MBP: variants seen among roughly 807,000 people sequenced by gnomAD.
MBP encodes the protein Golli-MBP.
A neutral mutation model predicts 35.8 loss-of-function variants in MBP; 16 were observed. That is an observed-to-expected ratio of 0.45 (90% confidence interval 0.30 to 0.68). MBP has a LOEUF of 0.68. Among genes scored for constraint, MBP ranks in the 30% least tolerant of loss-of-function variants. The pLI is 0.08. For missense variants in MBP, 380 were observed against 404.7 expected (o/e 0.94, Z 0.52); for synonymous variants, 143 against 159.6 (o/e 0.90, Z 0.78).
At chr18:77,055,585 T>TCTCTC (rs1973686723) in intron 3 of MBP, among the ~76,000 whole-genome samples, 1 of 151,072 alleles carries the variant, frequency 6.6e-6, no homozygotes, top group Non-Finnish European at 1.5e-5. Flanking sequence ...TTCTCTTTCT[T>TCTCTC]TCTCTCTCTC....
intron 1 of MBP, among the ~76,000 whole-genome samples, chr18:77,132,061 G>A (rs1479456730): frequency 6.6e-6 from 1 of 152,116 alleles, no homozygotes; most frequent in African/African-American, 2.4e-5. Context: ...GCCGCGAGCC[G>A]GGAGGACCCC....
chr18:77,051,455 C>T (rs1044372941), intron 3 of MBP, among the ~76,000 whole-genome samples: 1 of 152,196 alleles, frequency 6.6e-6, no homozygotes, highest in African/African-American at 2.4e-5. Context: ...GGAGAGACTG[C>T]CCGACAGAGC....
intron 1 of MBP, among the ~76,000 whole-genome samples, chr18:77,111,557 G>A (rs568056980): frequency 1.1e-4 from 16 of 152,370 alleles, no homozygotes; most frequent in African/African-American, 3.6e-4. Flanking sequence ...CCCTGGTGTC[G>A]TGTGAGCCCT....
At chr18:77,118,740 AGAC>A (rs1238849610) in intron 1 of MBP, among the ~76,000 whole-genome samples, 2 of 148,548 alleles carry the variant, frequency 1.3e-5, no homozygotes, top group Admixed American at 6.7e-5. Context: ...CACCCTTCAC[AGAC>A]ACCACACACA....
intron 2 of MBP, among the ~76,000 whole-genome samples, chr18:77,096,557 CTTATTT>C (rs1490277507): frequency 1.3e-5 from 2 of 152,166 alleles, no homozygotes; most frequent in African/African-American, 4.8e-5. Flanking sequence ...GCTCTCAGAT[CTTATTT>C]TTAAGTGTGG....
chr18:77,035,015 G>A (rs1972700544), intron 3 of MBP, among the ~76,000 whole-genome samples: 1 of 152,212 alleles, frequency 6.6e-6, no homozygotes, highest in African/African-American at 2.4e-5. Flanking sequence ...CTCCTCAGGG[G>A]CTTCAATGTG....
At chr18:76,984,716 T>C in intron 8 of MBP, 59 bp downstream of exon 8, 9 of 1,611,564 alleles carry the variant, frequency 5.6e-6, no homozygotes, top group South Asian at 1.1e-5. Context: ...CTCAGCTTAG[T>C]TGGGGATTCT....
chr18:77,084,827 G>A (rs1023177765), intron 2 of MBP, among the ~76,000 whole-genome samples: 2 of 152,092 alleles, frequency 1.3e-5, no homozygotes, highest in Admixed American at 6.5e-5. Context: ...TGTTTATCAA[G>A]GTCTGTTATG....
intron 2 of MBP, among the ~76,000 whole-genome samples, chr18:77,096,916 A>G (rs1975779080): frequency 6.6e-6 from 1 of 152,256 alleles, no homozygotes; most frequent in South Asian, 2.1e-4. Context: ...CAGACCTCTC[A>G]TCTTCCAGTT....
At position 77,023,541 on chromosome 18, in the gene MBP, C is replaced by T. The variant is rs895990011; in HGVS notation, c.140-6273G>A. Among the ~76,000 whole-genome samples the T allele has an allele frequency of 5.3e-5, 8 of 152,280 alleles. 1 individual carries two copies. In the South Asian group the frequency reaches 6.2e-4, roughly 12 times the overall value. ...TCGTGGGTTCCACTGCCTGCACAAC[C>T]GCTGGACCATCCGTAAAGGGCTTTG... On this transcript the variant is annotated intron_variant, in intron 3 of 8. Transcript: ENST00000355994.
chr18:77,085,396 C>T (rs1435777912), intron 2 of MBP, among the ~76,000 whole-genome samples: 1 of 152,200 alleles, frequency 6.6e-6, no homozygotes, highest in Non-Finnish European at 1.5e-5. Flanking sequence ...CCCTGCCAAT[C>T]TTCTTATCTC....
intron 2 of MBP, among the ~76,000 whole-genome samples, chr18:77,091,843 A>G (rs1975541135): frequency 6.6e-6 from 1 of 152,100 alleles, no homozygotes; most frequent in Non-Finnish European, 1.5e-5. Context: ...TACACACCAC[A>G]CACCCATACA....
chr18:77,049,962 G>A (rs1187207893), intron 3 of MBP, among the ~76,000 whole-genome samples: 1 of 152,136 alleles, frequency 6.6e-6, no homozygotes, highest in Admixed American at 6.5e-5. Context: ...TTACAGGCGT[G>A]AGCCACTGCA....
rs1296269620 is a variant in MBP, at chr18:77,044,998, C to T, written c.139+21300G>A. ...TGGAGTGTGTGAGTGTTCAAGATTC[C>T]CTACATAACGGGATACACACAGATG... On this transcript the variant is annotated intron_variant, in intron 3 of 8. Coordinates refer to ENST00000355994, the MANE Select transcript of MBP (RefSeq NM_001025101.2). This position sits in a 1 kb window ranked among gnomAD's most constrained non-coding sequence, Gnocchi z 4.4. Among the ~76,000 whole-genome samples the T allele has an allele frequency of 1.3e-5, 2 of 150,262 alleles. No individual in the cohort carries two copies.
intron 2 of MBP, among the ~76,000 whole-genome samples, chr18:77,095,764 C>A (rs909452066): frequency 1.3e-5 from 2 of 152,216 alleles, no homozygotes; most frequent in African/African-American, 4.8e-5. Context: ...TCTGGACCTG[C>A]CTCTGGGCAG....
intron 3 of MBP, among the ~76,000 whole-genome samples, chr18:77,027,076 A>C (rs763232979): frequency 2.6e-5 from 4 of 152,136 alleles, no homozygotes; most frequent in Non-Finnish European, 5.9e-5. Flanking sequence ...TTCCCATCTA[A>C]ATGGGGATTC....
intron 4 of MBP, chr18:77,013,324 C>T: frequency 2.0e-6 from 2 of 985,434 alleles, no homozygotes; most frequent in Non-Finnish European, 2.4e-6. Flanking sequence ...GGAGGGAGGA[C>T]ACCCCTGTGT....
intron 4 of MBP, among the ~76,000 whole-genome samples, chr18:76,993,222 T>C (rs529775907): frequency 6.6e-6 from 1 of 152,296 alleles, no homozygotes; most frequent in East Asian, 1.9e-4. Context: ...ACAAAATTCC[T>C]GCCTGAGAGG....
chr18:76,988,490 C>T lies in MBP; in HGVS notation c.750+5G>A. On this transcript the variant is annotated splice_donor_5th_base_variant and intron_variant, in intron 7 of 8. Transcript: ENST00000355994. The surrounding 1 kb of genome is among the most constrained non-coding windows in gnomAD (Gnocchi z 5.2). ...GAAGCCGATGGAAGTGCGTTCGTCA[C>T]CTACCCAGCTAAATCTGCTCAGGGA... 6.2e-7 allele frequency: 1 copy of T among 1,614,198 alleles called. No individual in the cohort carries two copies. The highest frequency in any genetic ancestry group is 8.5e-7 in the Non-Finnish European group (1 of 1,180,034).
Sources: allele counts gnomAD v4.1 joint callset (sites outside exome capture counted in the v4.1 genomes callset), GRCh38; gene constraint gnomAD v4.1.1; non-coding constraint Gnocchi (gnomAD v3.1); transcripts MANE v1.5; gene names NCBI Gene and HGNC (gene_info 2026-07-23, HGNC 2026-07-21).